The following RGS18 variants were observed in gnomAD, a reference collection of about 807,000 sequenced individuals.
The protein encoded by RGS18 is regulator of G-protein signaling 18.
RGS18 carries 22 observed loss-of-function variants against 27.6 expected under a neutral mutation model. The observed-to-expected ratio is 0.80, with a 90% CI of 0.57 to 1.14. The LOEUF is 1.14. RGS18 is among the 50% of genes most tolerant of loss of function. The probability of loss-of-function intolerance (pLI) is 0.00; values close to 1 mark genes in which losing one functional copy is unlikely to be tolerated. For synonymous variants in RGS18, 89 were observed against 84.6 expected (o/e 1.05, Z -0.29); for missense variants, 299 against 269.6 (o/e 1.11, Z -0.76).
In RGS18 at chr1:192,181,428, G is replaced by T; in HGVS notation, c.420G>T (p.Glu140Asp). 1 of 1,580,248 alleles carries T rather than the reference G, an allele frequency of 6.3e-7. No individual in the cohort carries two copies. Among genetic ancestry groups the T allele is most frequent in the Non-Finnish European group, 8.6e-7 (1 of 1,166,598 alleles). ...QIHLKAKAIY[E>D]KFIQTDAPKE... ...ACCTTAAAGCAAAAGCAATATATGA[G>T]AAATTTATACAGACTGATGCCCCAA... is the stretch of plus-strand genomic sequence containing the variant. Residue 140 changes from glutamate (E) to aspartate (D), a missense_variant, in exon 4 of 5, where the codon GAG becomes GAT. Coordinates refer to ENST00000367460, the MANE Select transcript of RGS18 (RefSeq NM_130782.3).
chr1:192,160,708 T>A, intron 3 of RGS18: 1 of 378,398 alleles, frequency 2.6e-6, no homozygotes, highest in Non-Finnish European at 4.7e-6. Context: ...TTTTTCCGAT[T>A]TTTGAATGAA....
intron 3 of RGS18, chr1:192,169,228 A>C (rs1656215168): frequency 6.6e-6 from 1 of 152,152 alleles, no homozygotes; most frequent in African/African-American, 2.4e-5. Context: ...GAAATCATGA[A>C]AATTATTTAA....
intron 3 of RGS18, among the ~76,000 whole-genome samples, chr1:192,172,884 A>ATATATATATATAT (rs758940898): frequency 4.1e-5 from 4 of 97,486 alleles, no homozygotes; most frequent in South Asian, 3.2e-4. Context: ...TATATATATA[A>ATATATATATATAT]ATATATATAT....
At chr1:192,168,274 T>A (rs537119603) in intron 3 of RGS18, 8 of 152,160 alleles carry the variant, frequency 5.3e-5, no homozygotes, top group African/African-American at 1.9e-4. Flanking sequence ...TTTAAAAAAG[T>A]TATTTACTTA....
intron 3 of RGS18, among the ~76,000 whole-genome samples, chr1:192,161,049 A>C (rs1246896453): frequency 6.6e-6 from 1 of 152,072 alleles, no homozygotes; most frequent in African/African-American, 2.4e-5. Context: ...ACAGGGTTTC[A>C]CCGTGTTAGC....
At chr1:192,169,246 C>T (rs933489339) in intron 3 of RGS18, 1 of 152,092 alleles carries the variant, frequency 6.6e-6, no homozygotes, top group African/African-American at 2.4e-5. Flanking sequence ...TAATAACTCA[C>T]TTTAGGAATA....
chr1:192,176,260 C>G (rs1296187293), intron 3 of RGS18, among the ~76,000 whole-genome samples: 1 of 151,828 alleles, frequency 6.6e-6, no homozygotes, highest in East Asian at 1.9e-4. Context: ...GTCCCACACC[C>G]TTCTGCATGT....
intron 3 of RGS18, among the ~76,000 whole-genome samples, chr1:192,160,993 G>T (rs1656059854): frequency 6.6e-6 from 1 of 152,080 alleles, no homozygotes; most frequent in South Asian, 2.1e-4. Flanking sequence ...GGGACTACAG[G>T]CTCCCGCCAC....
At chr1:192,166,108 GAT>G (rs1219070219) in intron 3 of RGS18, among the ~76,000 whole-genome samples, 18 of 152,228 alleles carry the variant, frequency 1.2e-4, no homozygotes, top group African/African-American at 3.9e-4. Context: ...AAAATATAGA[GAT>G]ATATTATACA....
intron 3 of RGS18, among the ~76,000 whole-genome samples, chr1:192,174,532 A>G (rs1384035327): frequency 6.6e-6 from 1 of 151,854 alleles, no homozygotes; most frequent in Non-Finnish European, 1.5e-5. Context: ...ATCTATACCT[A>G]AATTGTGAAT....
chr1:192,182,690 A>C (rs776479305), intron 4 of RGS18, among the ~76,000 whole-genome samples: 2 of 151,592 alleles, frequency 1.3e-5, no homozygotes, highest in African/African-American at 4.8e-5. Flanking sequence ...AGCTATTTTC[A>C]TTCTAGACTA....
At chr1:192,162,296 GTTGTT>G (rs776952030) in intron 3 of RGS18, among the ~76,000 whole-genome samples, 3 of 151,698 alleles carry the variant, frequency 2.0e-5, no homozygotes, top group African/African-American at 4.8e-5. Flanking sequence ...TGGTTTGTTT[GTTGTT>G]TTGTTTTGTT....
intron 3 of RGS18, among the ~76,000 whole-genome samples, chr1:192,164,588 A>G (rs1656131389): frequency 6.6e-6 from 1 of 152,216 alleles, no homozygotes; most frequent in Non-Finnish European, 1.5e-5. Flanking sequence ...AATGTCCCAT[A>G]CCAACATAAG....
At chr1:192,183,076 A>G (rs530866895) in intron 4 of RGS18, among the ~76,000 whole-genome samples, 2 of 151,706 alleles carry the variant, frequency 1.3e-5, no homozygotes, top group Admixed American at 6.6e-5. Context: ...CTGCCCTAAA[A>G]TATTAATTAA....
chr1:192,167,830 T>C (rs551108607), intron 3 of RGS18: 1 of 152,324 alleles, frequency 6.6e-6, no homozygotes, highest in African/African-American at 2.4e-5. Flanking sequence ...CCACATTCTA[T>C]GGCAAATCAG....
Position 192,177,571 on chromosome 1 carries a change from A to G in RGS18, c.284-3721A>G, listed in dbSNP as rs960057261. The stretch of plus-strand genomic sequence containing the variant: ...AAAGTTAGCAGGCAACTGCAGTACA[A>G]TATTTTAAGTTTACCCGGCACAGTA... On this transcript the variant is annotated intron_variant, in intron 3 of 4. Transcript: ENST00000367460. Among the ~76,000 whole-genome samples the G allele has an allele frequency of 5.3e-5, 8 of 151,788 alleles. No individual in the cohort carries two copies. In the East Asian group the frequency reaches 1.4e-3, roughly 26 times the overall value.
intron 3 of RGS18, among the ~76,000 whole-genome samples, chr1:192,180,336 G>A (rs1346891624): frequency 2.6e-5 from 4 of 151,470 alleles, no homozygotes; most frequent in African/African-American, 9.7e-5. Flanking sequence ...ACCAGGTAGG[G>A]ATCATTATTA....
At chr1:192,178,562 T>C (rs1656397288) in intron 3 of RGS18, among the ~76,000 whole-genome samples, 1 of 151,556 alleles carries the variant, frequency 6.6e-6, no homozygotes, top group Non-Finnish European at 1.5e-5. Flanking sequence ...CCTGCTGTTG[T>C]GGAGAGATGA....
Position 192,160,585 on chromosome 1 carries a change from TAATAG to T in RGS18, c.283+149_283+153del, listed in dbSNP as rs1656052712. On this transcript the variant is annotated intron_variant, in intron 3 of 4. Transcript: ENST00000367460. ...CAATTTTCTGATCAACAGAACTAAG[TAATAG>T]AAAAGTCAAATAATGGAAATTTTTT... 8 of 507,100 alleles carry T rather than the reference TAATAG, an allele frequency of 1.6e-5. No individual in the cohort carries two copies. The South Asian group carries it at 3.0e-4, about 19-fold the overall frequency. The allele number at this position is 507,100 out of a possible 1,614,324, so 31.4% of individuals were successfully genotyped here. A position where few individuals can be genotyped will look rare whatever the true frequency, so the allele number is the denominator to read the frequency against.
Sources: gnomAD v4.1 joint callset for allele counts (sites outside exome capture counted in the v4.1 genomes callset) on GRCh38, gnomAD v4.1.1 for gene constraint, MANE v1.5 for transcripts, NCBI Gene and HGNC (gene_info 2026-07-23, HGNC 2026-07-21) for gene names.